ZPR1: variants seen among roughly 807,000 people sequenced by gnomAD.
ZPR1 encodes ZPR1 zinc finger, also known as zinc finger protein ZPR1.
ZPR1 carries 37 observed loss-of-function variants against 59.6 expected under a neutral mutation model. The ratio of observed to expected loss-of-function variants is 0.62; its 90% CI spans 0.48 to 0.82. The LOEUF is 0.82. Among genes scored for constraint, ZPR1 ranks in the 40% least tolerant of loss-of-function variants. The probability of loss-of-function intolerance (pLI) is 0.00; values close to 1 mark genes in which losing one functional copy is unlikely to be tolerated. For synonymous variants in ZPR1, 191 were observed against 215.2 expected (o/e 0.89, Z 0.99); for missense variants, 527 against 579.9 (o/e 0.91, Z 0.94).
rs1940863019 is a variant in ZPR1, at chr11:116,785,037, G to C, written c.753+62C>G. The C allele has an allele frequency of 3.1e-6, 5 of 1,609,642 alleles. No individual in the cohort carries two copies. In the East Asian group the frequency reaches 1.1e-4, roughly 36 times the overall value. The stretch of plus-strand genomic sequence containing the variant: ...GTTGGTGACAAGGAAGACAGATGCT[G>C]AACAGCATCAGTCTCAGCCCACAAC... On this transcript the variant is annotated intron_variant, in intron 7 of 13. Coordinates refer to ENST00000227322, the MANE Select transcript of ZPR1 (RefSeq NM_003904.5).
chr11:116,785,047 A>C, intron 7 of ZPR1, 52 bp downstream of exon 7: 1 of 1,601,744 alleles, frequency 6.2e-7, no homozygotes, highest in Non-Finnish European at 8.6e-7. Context: ...GAACAGCATC[A>C]GTCTCAGCCC....
chr11:116,779,730 G>T, intron 13 of ZPR1, 42 bp downstream of exon 13: 1 of 1,434,304 alleles, frequency 7.0e-7, no homozygotes, highest in Non-Finnish European at 9.7e-7. Context: ...AGGAAGATCA[G>T]AAAATGTATC....
chr11:116,785,418 C>A, intron 6 of ZPR1, 96 bp downstream of exon 6: 1 of 1,530,670 alleles, frequency 6.5e-7, no homozygotes, highest in Non-Finnish European at 8.8e-7. Flanking sequence ...ATAGGGCACA[C>A]AGAGCAGCAG....
At chr11:116,783,764 C>A (rs1940845280) in intron 9 of ZPR1, 145 bp from the exon 10 acceptor site, 2 of 627,164 alleles carry the variant, frequency 3.2e-6, no homozygotes, top group Admixed American at 3.0e-5. Flanking sequence ...AGCAGTCGCC[C>A]AAACCAAAAA....
chr11:116,785,166 G>T lies in ZPR1; in HGVS notation c.706-20C>A. The T allele has an allele frequency of 6.2e-7, 1 of 1,613,656 alleles. No homozygotes were observed. Among genetic ancestry groups the T allele is most frequent in the Non-Finnish European group, 8.5e-7 (1 of 1,179,976 alleles). On this transcript the variant is annotated intron_variant, in intron 6 of 13. Transcript: ENST00000227322. The stretch of plus-strand genomic sequence containing the variant: ...TTCTTCCTAAAATAGCAAAGATGCA[G>T]GTCGCAAGTTGGCAGGTATACCTCA...
chr11:116,787,730 C>T, intron 1 of ZPR1, 87 bp from the exon 2 acceptor site: 8 of 1,528,738 alleles, frequency 5.2e-6, no homozygotes, highest in Non-Finnish European at 7.1e-6. Flanking sequence ...TCGGGGTCCC[C>T]GGCCGGGCCC....
chr11:116,785,106 C>G lies in ZPR1; in HGVS notation c.746G>C (p.Arg249Thr). ...GTAGCCAATGTGACTCACTTCATTTCTGAGATCTTCCTCTTCTGGCTTCTC... is the reference window on the plus strand; with the variant it reads ...GTAGCCAATGTGACTCACTTCATTTGTGAGATCTTCCTCTTCTGGCTTCTC... ...PAEKPEEEDL[R>T]NEVLQFSTNC... Residue 249 changes from arginine to threonine, a missense_variant, in exon 7 of 14, where the codon AGA becomes ACA. By Grantham distance (71) the Arg-to-Thr change is moderately conservative. Transcript: ENST00000227322. 1.2e-6 allele frequency: 2 copies of G among 1,614,164 alleles called. No individual in the cohort carries two copies. Among genetic ancestry groups the G allele is most frequent in the Non-Finnish European group, 1.7e-6 (2 of 1,180,030 alleles).
At chr11:116,785,380 G>T in intron 6 of ZPR1, 134 bp downstream of exon 6, 3 of 1,362,908 alleles carry the variant, frequency 2.2e-6, no homozygotes, top group Non-Finnish European at 3.0e-6. Context: ...CTGGACATAA[G>T]CAAGATGAGA....
intron 11 of ZPR1, 74 bp from the exon 12 acceptor site, chr11:116,782,318 G>C: frequency 3.6e-6 from 5 of 1,371,118 alleles, no homozygotes; most frequent in Non-Finnish European, 5.2e-6. Context: ...AACTAGGCAG[G>C]GGGTGACAGT....
chr11:116,778,929 C>G lies in ZPR1; in HGVS notation c.1376G>C (p.Arg459Pro). ...TGGCCCTTGAGCCACCCACTGCTAC[C>G]GTTGCGGAGCCAGGCCTGCCTCATA... Reference protein sequence around the residue: ...EGYEAGLAPQR With the variant: ...EGYEAGLAPQP The change falls in exon 14 of 14, where the codon CGG (arginine) becomes CCG (proline). Residue 459 changes from arginine (R) to proline (P), a missense_variant. Physicochemically the swap from Arg to Pro is moderately radical, Grantham distance 103. Coordinates refer to ENST00000227322, the MANE Select transcript of ZPR1 (RefSeq NM_003904.5). 2.5e-6 allele frequency: 4 copies of G among 1,613,706 alleles called. 1 individual carries two copies. The highest frequency in any genetic ancestry group is 3.4e-4 in the Middle Eastern group (2 of 5,840).
intron 12 of ZPR1, among the ~76,000 whole-genome samples, chr11:116,780,080 T>G (rs889452327): frequency 5.3e-5 from 8 of 150,248 alleles, no homozygotes; most frequent in African/African-American, 1.5e-4. Flanking sequence ...ATGAAATAAA[T>G]GAAAGTAAAG....
rs1940889689 is a variant in ZPR1, at chr11:116,786,541, A to G, written c.465T>C (p.Ser155=). The change falls in exon 4 of 14, where the codon TCT becomes TCC. Residue 155 remains serine, a synonymous_variant. Transcript: ENST00000227322. ...GTGCAGGCTGGTCCTGCTCCAGGCC[A>G]GAGATAGCACGGGTGATCAATCCTT... ...TVEGLITRAI[S]GLEQDQPARR... 6.2e-7 allele frequency: 1 copy of G among 1,613,964 alleles called. No homozygotes were observed. Among genetic ancestry groups the G allele is most frequent in the Non-Finnish European group, 8.5e-7 (1 of 1,179,838 alleles).
chr11:116,787,703 C>G (rs1940910921), intron 1 of ZPR1, 60 bp from the exon 2 acceptor site: 4 of 1,567,640 alleles, frequency 2.6e-6, no homozygotes, highest in Middle Eastern at 2.2e-4. Context: ...CCCCGCCCTA[C>G]TATCTCCGGG....
chr11:116,780,362 C>T (rs1409507571), intron 12 of ZPR1, among the ~76,000 whole-genome samples: 1 of 151,134 alleles, frequency 6.6e-6, no homozygotes, highest in East Asian at 2.0e-4. Context: ...CACACCCCAG[C>T]CCCCTTCCCA....
At chr11:116,783,422 A>G in intron 10 of ZPR1, 108 bp downstream of exon 10, 1 of 939,730 alleles carries the variant, frequency 1.1e-6, no homozygotes, top group Non-Finnish European at 1.7e-6. Flanking sequence ...GGGAAGTAGG[A>G]GATACCTCAT....
At chr11:116,779,699 T>A in intron 13 of ZPR1, 73 bp downstream of exon 13, 1 of 1,151,040 alleles carries the variant, frequency 8.7e-7, no homozygotes, top group Admixed American at 1.9e-5. Flanking sequence ...TTTCAGTTTC[T>A]AGGGAAATGA....
In ZPR1 at chr11:116,782,154, T is replaced by C; in HGVS notation, c.1179+4A>G. The C allele has an allele frequency of 6.2e-7, 1 of 1,613,620 alleles. No individual in the cohort carries two copies. ...TAAGTACTGACTGGCCAGTGACCTC[T>C]TACCTGGTCCATCTTCTGGCTAAAC... On this transcript the variant is annotated splice_donor_region_variant and intron_variant, in intron 12 of 13. Transcript: ENST00000227322.
intron 10 of ZPR1, 23 bp downstream of exon 10, chr11:116,783,507 G>A: frequency 5.0e-6 from 8 of 1,590,506 alleles, no homozygotes; most frequent in Non-Finnish European, 6.9e-6. Flanking sequence ...GGACAACAGT[G>A]ACTTTCCCAA....
chr11:116,776,344 C>G lies in ZPR1; in HGVS notation c.*2581G>C, dbSNP rs1241296523. ...ACCTACCCTGGCCTTAAAGCGAGAC[C>G]CTTTCCCTATCTTTTTACCTATAGA... On this transcript the variant is annotated 3_prime_UTR_variant, in exon 14 of 14. Transcript: ENST00000227322. 6.6e-6 allele frequency: 1 copy of G among 152,200 alleles called. No homozygotes were observed. The highest frequency in any genetic ancestry group is 1.5e-5 in the Non-Finnish European group (1 of 68,048). 9.4% of individuals were successfully genotyped at this position (152,200 alleles called of 1,614,324 possible).
Sources: gnomAD v4.1 joint callset for allele counts (sites outside exome capture counted in the v4.1 genomes callset) on GRCh38, gnomAD v4.1.1 for gene constraint, MANE v1.5 for transcripts, NCBI Gene and HGNC (gene_info 2026-07-23, HGNC 2026-07-21) for gene names.